Variants in PHF21A observed in about 807,000 individuals in gnomAD.
PHF21A encodes PHD finger protein 21A.
In PHF21A, 11 loss-of-function variants were observed where a neutral mutation model predicts 82.5. That is an observed-to-expected ratio of 0.13 (90% CI 0.08 to 0.22). The LOEUF is 0.22. Ranked by LOEUF, PHF21A falls within the 10% of genes least tolerant of loss-of-function variation. The pLI, the probability that PHF21A is intolerant of heterozygous loss-of-function variation, is 1.00. For synonymous variants in PHF21A, 297 were observed against 302.8 expected, an observed-to-expected ratio of 0.98 and a Z score of 0.20; for missense variants, 579 against 837.8, an observed-to-expected ratio of 0.69 and a Z score of 3.81.
intron 6 of PHF21A, among the ~76,000 whole-genome samples, chr11:46,072,044 A>C (rs528116601): frequency 6.6e-6 from 1 of 152,346 alleles, no homozygotes; most frequent in East Asian, 1.9e-4. Flanking sequence ...TAGGAATAAA[A>C]AAGCAAATAA....
At chr11:45,967,275 T>C (rs1404948143) in intron 9 of PHF21A, among the ~76,000 whole-genome samples, 2 of 151,242 alleles carry the variant, frequency 1.3e-5, no homozygotes, top group Non-Finnish European at 2.9e-5. Flanking sequence ...GGCTGAGACA[T>C]AAGGATTGCT....
intron 10 of PHF21A, among the ~76,000 whole-genome samples, chr11:45,961,965 A>G (rs952040190): frequency 1.3e-5 from 2 of 152,194 alleles, no homozygotes; most frequent in Admixed American, 1.3e-4. Flanking sequence ...TATCTGGGGT[A>G]GATAAGGAAG....
chr11:46,117,859 G>A (rs1851797029), intron 1 of PHF21A: 2 of 152,278 alleles, frequency 1.3e-5, no homozygotes, highest in South Asian at 4.1e-4. Context: ...ACTTTGTACA[G>A]TCAAAGACTT....
Position 45,979,856 on chromosome 11 carries a change from C to T in PHF21A, c.264G>A (p.Gln88=), listed in dbSNP as rs1256650344. The change falls in exon 7 of 19, where the codon CAG becomes CAA. Residue 88 remains glutamine, a synonymous_variant. Transcript: ENST00000676320. Reference sequence around the variant, plus strand: ...GTTGTAGTTGCTGTAGTGGTTGCTGCTGTGCTGTTTGTAGTTTGTTTTCAG... The same window carrying T: ...GTTGTAGTTGCTGTAGTGGTTGCTGTTGTGCTGTTTGTAGTTTGTTTTCAG... The part of the protein sequence containing the change: ...PQSENKLQTA[Q]QQPLQQLQQQ... 2 of 1,613,980 alleles carry T rather than the reference C, an allele frequency of 1.2e-6. No homozygotes were observed. The highest frequency in any genetic ancestry group is 3.3e-5 in the Admixed American group (2 of 59,996).
chr11:45,955,185 T>C (rs1483450396), intron 10 of PHF21A, among the ~76,000 whole-genome samples: 1 of 152,164 alleles, frequency 6.6e-6, no homozygotes, highest in Non-Finnish European at 1.5e-5. Flanking sequence ...GTGCCTATTA[T>C]GGTACTTCAT....
intron 6 of PHF21A, among the ~76,000 whole-genome samples, chr11:46,064,710 A>G (rs1367607410): frequency 2.0e-5 from 3 of 152,230 alleles, no homozygotes; most frequent in Non-Finnish European, 2.9e-5. Context: ...TTTAAAAAGG[A>G]GAAATCCAAA....
chr11:46,000,026 A>G (rs1489799796), intron 6 of PHF21A, among the ~76,000 whole-genome samples: 1 of 152,216 alleles, frequency 6.6e-6, no homozygotes, highest in Non-Finnish European at 1.5e-5. Flanking sequence ...AGTAAAAATA[A>G]TGATCTAGGG....
chr11:45,963,655 C>T (rs893861904), intron 10 of PHF21A, among the ~76,000 whole-genome samples: 4 of 151,974 alleles, frequency 2.6e-5, no homozygotes, highest in Admixed American at 6.6e-5. Flanking sequence ...GAAACCAAAA[C>T]AATTTGTCTC....
chr11:46,035,058 C>T (rs138030745), intron 6 of PHF21A, among the ~76,000 whole-genome samples: 3 of 152,312 alleles, frequency 2.0e-5, no homozygotes, highest in African/African-American at 4.8e-5. Flanking sequence ...TTTGCTGCTT[C>T]TTGCATTCCT....
At chr11:45,980,499 CATT>C (rs1298445004) in intron 6 of PHF21A, among the ~76,000 whole-genome samples, 10 of 151,944 alleles carry the variant, frequency 6.6e-5, no homozygotes, top group Non-Finnish European at 1.3e-4. Flanking sequence ...CATTGTTGAT[CATT>C]ATTATTATTA....
intron 6 of PHF21A, among the ~76,000 whole-genome samples, chr11:46,072,403 G>A (rs1195786102): frequency 6.6e-6 from 1 of 152,140 alleles, no homozygotes; most frequent in African/African-American, 2.4e-5. Flanking sequence ...CTTACCAGAT[G>A]GAGCAGCTAT....
intron 6 of PHF21A, among the ~76,000 whole-genome samples, chr11:46,027,464 C>A (rs900408172): frequency 6.6e-6 from 1 of 152,170 alleles, no homozygotes; most frequent in African/African-American, 2.4e-5. Context: ...CAACTGAGCA[C>A]CCTGCCCTTT....
At chr11:45,957,410 G>A (rs1166141854) in intron 10 of PHF21A, among the ~76,000 whole-genome samples, 2 of 152,012 alleles carry the variant, frequency 1.3e-5, no homozygotes, top group Non-Finnish European at 2.9e-5. Flanking sequence ...AATAAATTTA[G>A]AAAGACTAGA....
intron 8 of PHF21A, chr11:45,970,911 G>T: frequency 1.7e-6 from 1 of 590,604 alleles, no homozygotes; most frequent in South Asian, 2.2e-5. Context: ...ACTGAATTTA[G>T]TCCTTGGTGT....
chr11:45,952,634 C>A (rs1029375014), intron 11 of PHF21A, among the ~76,000 whole-genome samples: 2 of 152,130 alleles, frequency 1.3e-5, no homozygotes, highest in African/African-American at 4.8e-5. Flanking sequence ...AAAATTCATT[C>A]ATTTCATATC....
chr11:46,047,775 G>A (rs1276111946), intron 6 of PHF21A, among the ~76,000 whole-genome samples: 26 of 152,172 alleles, frequency 1.7e-4, no homozygotes, highest in Admixed American at 1.6e-3. Flanking sequence ...AATTTCATCT[G>A]CATGGTGAGG....
chr11:46,069,939 C>A (rs2096636875), intron 6 of PHF21A, among the ~76,000 whole-genome samples: 1 of 152,202 alleles, frequency 6.6e-6, no homozygotes, highest in Non-Finnish European at 1.5e-5. Context: ...GAACTCCATG[C>A]ACTCAATGGA....
At chr11:46,043,781 G>A (rs141311911) in intron 6 of PHF21A, among the ~76,000 whole-genome samples, 4 of 152,192 alleles carry the variant, frequency 2.6e-5, no homozygotes, top group African/African-American at 7.2e-5. Context: ...AGAGGACCCC[G>A]CTGTCATATA....
chr11:46,074,013 T>C (rs1185403803), intron 6 of PHF21A, among the ~76,000 whole-genome samples: 1 of 152,102 alleles, frequency 6.6e-6, no homozygotes, highest in African/African-American at 2.4e-5. Context: ...GATTACATAG[T>C]TTTAAGGGAG....
Sources: allele counts gnomAD v4.1 joint callset (sites outside exome capture counted in the v4.1 genomes callset), GRCh38; gene constraint gnomAD v4.1.1; transcripts MANE v1.5; gene names NCBI Gene and HGNC (gene_info 2026-07-23, HGNC 2026-07-21).